The following RASGEF1B variants were observed in gnomAD, a reference collection of about 807,000 sequenced individuals.
RASGEF1B encodes the protein ras-GEF domain-containing family member 1B.
Under a neutral mutation model 65.7 loss-of-function variants are expected in RASGEF1B, and 30 were observed. The observed-to-expected ratio is 0.46, with a 90% CI of 0.34 to 0.62. RASGEF1B has a LOEUF of 0.62. Ranked by LOEUF, RASGEF1B falls within the 20% of genes least tolerant of loss-of-function variation. The pLI is 0.01. For missense variants in RASGEF1B, 495 were observed against 580.1 expected (o/e 0.85, Z 1.51); for synonymous variants, 175 against 194.8 (o/e 0.90, Z 0.85).
At chr4:81,444,795 A>G (rs538978425) in intron 8 of RASGEF1B, among the ~76,000 whole-genome samples, 1 of 152,336 alleles carries the variant, frequency 6.6e-6, no homozygotes, top group Admixed American at 6.5e-5. Flanking sequence ...TTGCCTCCCA[A>G]AGTGCTGGGA....
chr4:81,432,730 T>C (rs1450392672), intron 12 of RASGEF1B, among the ~76,000 whole-genome samples: 1 of 152,180 alleles, frequency 6.6e-6, no homozygotes, highest in Non-Finnish European at 1.5e-5. Flanking sequence ...GAGTTGTTTT[T>C]TCCTTTTTTC....
intron 4 of RASGEF1B, chr4:81,455,214 A>T (rs1722402246): frequency 6.6e-6 from 1 of 152,274 alleles, no homozygotes; most frequent in Non-Finnish European, 1.5e-5. Flanking sequence ...AGGCCAGTGG[A>T]TTGCTTGAGC....
chr4:81,431,674 G>A (rs1721431762), intron 13 of RASGEF1B, among the ~76,000 whole-genome samples: 1 of 152,172 alleles, frequency 6.6e-6, no homozygotes, highest in Non-Finnish European at 1.5e-5. Flanking sequence ...GAGTTTCTCA[G>A]TAGGACTATA....
intron 1 of RASGEF1B, among the ~76,000 whole-genome samples, chr4:81,463,616 A>G (rs1335727107): frequency 6.6e-6 from 1 of 152,240 alleles, no homozygotes; most frequent in Non-Finnish European, 1.5e-5. Context: ...GGAAGGATCA[A>G]CTGCCTGTGT....
chr4:81,444,702 A>G (rs942655318), intron 8 of RASGEF1B, among the ~76,000 whole-genome samples: 1 of 151,968 alleles, frequency 6.6e-6, no homozygotes. Flanking sequence ...ATGCCCAGCT[A>G]ATTTTTGTAT....
intron 9 of RASGEF1B, among the ~76,000 whole-genome samples, chr4:81,441,900 A>C (rs1721852372): frequency 6.6e-6 from 1 of 152,124 alleles, no homozygotes; most frequent in Non-Finnish European, 1.5e-5. Flanking sequence ...GGTCAGCTAA[A>C]TTTGTTGAAA....
chr4:81,445,389 T>C (rs1721980133), intron 8 of RASGEF1B, 137 bp downstream of exon 8: 1 of 669,396 alleles, frequency 1.5e-6, no homozygotes, highest in Non-Finnish European at 2.7e-6. Context: ...ATTTAAAGCA[T>C]TTTGGGCATT....
At chr4:81,445,899 A>C in intron 6 of RASGEF1B, 61 bp from the exon 7 acceptor site, 7 of 1,197,256 alleles carry the variant, frequency 5.8e-6, no homozygotes, top group African/African-American at 1.5e-5. Context: ...GTGGACTCTC[A>C]TTTTGTGAAA....
At chr4:81,438,719 C>T (rs1342312707) in intron 10 of RASGEF1B, among the ~76,000 whole-genome samples, 1 of 151,402 alleles carries the variant, frequency 6.6e-6, no homozygotes, top group Non-Finnish European at 1.5e-5. Flanking sequence ...TCTCCCTCCC[C>T]TTGCCCCCCC....
rs73829568 is a variant in RASGEF1B, at chr4:81,464,157, C to T, written c.-6-4643G>A. Among the ~76,000 whole-genome samples the T allele has an allele frequency of 1.2e-3, 183 of 152,320 alleles. 1 individual carries two copies. The highest frequency in any genetic ancestry group is 4.3e-3 in the African/African-American group (178 of 41,568). The stretch of plus-strand genomic sequence containing the variant: ...AGATCCTATAAACTCTCAACTTACT[C>T]CTCTTTACACTTTGCAACACAGCCT... On this transcript the variant is annotated intron_variant, in intron 1 of 13. Coordinates refer to ENST00000264400, the MANE Select transcript of RASGEF1B (RefSeq NM_152545.3).
chr4:81,466,429 C>T (rs1307176538), intron 1 of RASGEF1B, among the ~76,000 whole-genome samples: 1 of 152,120 alleles, frequency 6.6e-6, no homozygotes, highest in Non-Finnish European at 1.5e-5. Context: ...AGTCAAGTTT[C>T]TGACACTATT....
chr4:81,462,962 G>T (rs1293536375), intron 1 of RASGEF1B, among the ~76,000 whole-genome samples: 1 of 152,104 alleles, frequency 6.6e-6, no homozygotes, highest in African/African-American at 2.4e-5. Context: ...ACTCGCTTGG[G>T]GTTAGACATG....
At chr4:81,452,688 T>C (rs1177367641) in intron 4 of RASGEF1B, 1 of 152,206 alleles carries the variant, frequency 6.6e-6, no homozygotes, top group Non-Finnish European at 1.5e-5. Context: ...AATATGTACT[T>C]ATTCTTTTTT....
chr4:81,467,745 A>G (rs1722890450), intron 1 of RASGEF1B, among the ~76,000 whole-genome samples: 1 of 152,208 alleles, frequency 6.6e-6, no homozygotes, highest in African/African-American at 2.4e-5. Context: ...TGTACAGGTG[A>G]AGACGTACTG....
chr4:81,460,566 A>G (rs917516171), intron 1 of RASGEF1B, among the ~76,000 whole-genome samples: 5 of 152,304 alleles, frequency 3.3e-5, no homozygotes, highest in African/African-American at 9.6e-5. Context: ...TTGCATCTCA[A>G]TGTGGGAGGG....
chr4:81,429,485 G>A (rs866360333), intron 13 of RASGEF1B, among the ~76,000 whole-genome samples: 40 of 152,280 alleles, frequency 2.6e-4, no homozygotes, highest in South Asian at 4.1e-4. Context: ...AGAAAGGCAG[G>A]TCCCTGGCTA....
chr4:81,463,043 A>G (rs1722700569), intron 1 of RASGEF1B, among the ~76,000 whole-genome samples: 1 of 152,222 alleles, frequency 6.6e-6, no homozygotes, highest in Non-Finnish European at 1.5e-5. Flanking sequence ...TTATTACACT[A>G]CATTATGATA....
At chr4:81,467,822 T>G (rs1192478802) in intron 1 of RASGEF1B, among the ~76,000 whole-genome samples, 2 of 152,190 alleles carry the variant, frequency 1.3e-5, no homozygotes, top group African/African-American at 2.4e-5. Flanking sequence ...GAATTAAATA[T>G]TTCATTTTCC....
intron 8 of RASGEF1B, among the ~76,000 whole-genome samples, chr4:81,444,116 C>CT (rs373657902): frequency 0.014 from 2,067 of 150,906 alleles, 44 homozygotes; most frequent in African/African-American, 0.048. Flanking sequence ...GTCTTTTGGC[C>CT]TTTTTTTTTA....
Sources: allele counts gnomAD v4.1 joint callset (sites outside exome capture counted in the v4.1 genomes callset), GRCh38; gene constraint gnomAD v4.1.1; transcripts MANE v1.5; gene names NCBI Gene and HGNC (gene_info 2026-07-23, HGNC 2026-07-21).